The following RGS6 variants were observed in gnomAD, a reference collection of about 807,000 sequenced individuals.
The protein encoded by RGS6 is regulator of G protein signaling 6.
Under a neutral mutation model 78.5 loss-of-function variants are expected in RGS6, and 30 were observed. The ratio of observed to expected loss-of-function variants is 0.38; its 90% CI spans 0.29 to 0.52. The LOEUF (loss-of-function observed/expected upper bound fraction) is 0.52, where lower values mean the gene tolerates loss of function less well. Ranked by LOEUF, RGS6 falls within the 20% of genes least tolerant of loss-of-function variation. The pLI, the probability that RGS6 is intolerant of heterozygous loss-of-function variation, is 0.85. For synonymous variants in RGS6, 206 were observed against 206.0 expected, an observed-to-expected ratio of 1.00 and a Z score of 0.00; for missense variants, 495 against 609.7, an observed-to-expected ratio of 0.81 and a Z score of 1.98.
chr14:72,378,705 TC>T (rs1566671297), intron 3 of RGS6, among the ~76,000 whole-genome samples: 1 of 151,938 alleles, frequency 6.6e-6, no homozygotes, highest in East Asian at 1.9e-4. Flanking sequence ...ATAAAAAGTT[TC>T]CCAAAAAAGA....
chr14:72,162,629 T>G (rs1284018896), intron 2 of RGS6, among the ~76,000 whole-genome samples: 1 of 152,182 alleles, frequency 6.6e-6, no homozygotes, highest in African/African-American at 2.4e-5. Context: ...TTCTAAAACC[T>G]TTGCATAACT....
intron 2 of RGS6, among the ~76,000 whole-genome samples, chr14:72,187,704 G>A (rs1166899374): frequency 6.6e-6 from 1 of 152,036 alleles, no homozygotes; most frequent in Non-Finnish European, 1.5e-5. Context: ...CCTTCCCTCA[G>A]CCCCCAATTC....
rs1390158196 is a variant in RGS6, at chr14:72,458,396, C to T, written c.342+19C>T. 1.9e-6 allele frequency: 3 copies of T among 1,562,736 alleles called. No individual in the cohort carries two copies. The highest frequency in any genetic ancestry group is 1.8e-6 in the Non-Finnish European group (2 of 1,133,718). On this transcript the variant is annotated intron_variant, in intron 5 of 17. Transcript: ENST00000553525. ...TTTCCAGGTAAGCCTGCTGGCTCCT[C>T]CTCCTGAAGAACCTTTTCTTCACAA...
intron 2 of RGS6, among the ~76,000 whole-genome samples, chr14:72,340,851 A>G (rs2079506): frequency 0.47 from 70,666 of 151,932 alleles, 16,774 homozygotes; most frequent in South Asian, 0.59. Flanking sequence ...GAGGACCAGG[A>G]GTGATTCAGA....
intron 2 of RGS6, among the ~76,000 whole-genome samples, chr14:72,232,537 A>G (rs1341498941): frequency 6.6e-6 from 1 of 152,212 alleles, no homozygotes; most frequent in African/African-American, 2.4e-5. Context: ...TTATGTAAGA[A>G]TGAAGATAAC....
the RGS6 span, among the ~76,000 whole-genome samples, chr14:72,608,918 C>T: frequency 6.6e-6 from 1 of 152,240 alleles, no homozygotes; most frequent in Admixed American, 6.5e-5. Flanking sequence ...CTTTCTCTCT[C>T]TCTTACACAA....
chr14:72,505,257 A>G (rs1288405199), intron 13 of RGS6, among the ~76,000 whole-genome samples: 1 of 152,164 alleles, frequency 6.6e-6, no homozygotes, highest in Non-Finnish European at 1.5e-5. Context: ...CTTATAAACA[A>G]CAGAAATTTA....
At chr14:72,529,700 T>C (rs1037162336) in intron 15 of RGS6, among the ~76,000 whole-genome samples, 1 of 152,206 alleles carries the variant, frequency 6.6e-6, no homozygotes, top group East Asian at 1.9e-4. Flanking sequence ...TCTGTCTCTC[T>C]ACACAGATCT....
chr14:72,529,387 T>G lies in RGS6; in HGVS notation c.1279-6799T>G, dbSNP rs77667262. Among the ~76,000 whole-genome samples the G allele has an allele frequency of 2.0e-3, 299 of 152,306 alleles. 4 individuals carry two copies. In the East Asian group the frequency reaches 0.041, roughly 21 times the overall value. On this transcript the variant is annotated intron_variant, in intron 15 of 17. Coordinates refer to ENST00000553525, the MANE Select transcript of RGS6 (RefSeq NM_001204424.2). ...TCAAGGGCTAGCAGTGGGATTGGTG[T>G]GGTGAGACCACCTCATGGGACTCAT...
chr14:72,131,436 G>T (rs919627615), intron 2 of RGS6, among the ~76,000 whole-genome samples: 12 of 152,136 alleles, frequency 7.9e-5, no homozygotes, highest in Non-Finnish European at 1.3e-4. Flanking sequence ...ATTTTATTTT[G>T]TAAGGGACAT....
chr14:72,241,652 A>C, intron 2 of RGS6, among the ~76,000 whole-genome samples: 1 of 152,198 alleles, frequency 6.6e-6, no homozygotes, highest in East Asian at 1.9e-4. Flanking sequence ...TTGGACATTT[A>C]AGTTGTTTAT....
intron 2 of RGS6, among the ~76,000 whole-genome samples, chr14:71,982,309 C>T (rs988244290): frequency 6.6e-6 from 1 of 152,162 alleles, no homozygotes; most frequent in African/African-American, 2.4e-5. Context: ...CTTGGCTCCT[C>T]CCTCCTTCTG....
chr14:72,084,751 C>T (rs1200674296), intron 2 of RGS6, among the ~76,000 whole-genome samples: 1 of 150,792 alleles, frequency 6.6e-6, no homozygotes, highest in Admixed American at 6.6e-5. Context: ...TTTTTTTTTC[C>T]TGCTGAAACT....
Position 72,017,290 on chromosome 14 carries a change from T to C in RGS6, c.84+52415T>C, listed in dbSNP as rs977743409. On this transcript the variant is annotated intron_variant, in intron 2 of 17. Coordinates refer to ENST00000553525, the MANE Select transcript of RGS6 (RefSeq NM_001204424.2). ...TCCTATTATTGCTGGTGTATAGGAA[T>C]GTTATTTTTGTATATCTTGCTGAAC... Among the ~76,000 whole-genome samples, 20 of 152,378 alleles carry C rather than the reference T, an allele frequency of 1.3e-4. No homozygotes were observed. The East Asian group carries it at 3.5e-3, about 26-fold the overall frequency.
intron 15 of RGS6, 128 bp downstream of exon 15, chr14:72,518,665 C>A (rs758338365): frequency 1.7e-5 from 14 of 841,376 alleles, no homozygotes; most frequent in Non-Finnish European, 2.5e-5. Flanking sequence ...TTAAGTTCAT[C>A]AGTGGAAACC....
chr14:72,230,417 A>G (rs1225255993), intron 2 of RGS6, among the ~76,000 whole-genome samples: 1 of 152,220 alleles, frequency 6.6e-6, no homozygotes, highest in Non-Finnish European at 1.5e-5. Flanking sequence ...ACAGGAAGGC[A>G]GGGTGGGGAG....
At chr14:72,290,231 C>A (rs2063345965) in intron 2 of RGS6, among the ~76,000 whole-genome samples, 1 of 152,242 alleles carries the variant, frequency 6.6e-6, no homozygotes, top group Non-Finnish European at 1.5e-5. Flanking sequence ...ACCCAGTATG[C>A]TGCATAAACC....
chr14:71,970,715 A>G (rs931106130), intron 2 of RGS6, among the ~76,000 whole-genome samples: 4 of 152,164 alleles, frequency 2.6e-5, no homozygotes, highest in African/African-American at 9.7e-5. Flanking sequence ...ACACTATTAG[A>G]TGCTAGGAAT....
At chr14:72,395,342 A>G (rs1350796377) in intron 3 of RGS6, among the ~76,000 whole-genome samples, 2 of 152,212 alleles carry the variant, frequency 1.3e-5, no homozygotes, top group East Asian at 1.9e-4. Context: ...ATATACATAT[A>G]TATGGATACA....
Sources: allele counts gnomAD v4.1 joint callset (sites outside exome capture counted in the v4.1 genomes callset), GRCh38; gene constraint gnomAD v4.1.1; transcripts MANE v1.5; gene names NCBI Gene and HGNC (gene_info 2026-07-23, HGNC 2026-07-21).